Variants in NOS3 observed in about 807,000 individuals in gnomAD.
The protein encoded by NOS3 is NOS type III.
A neutral mutation model predicts 144.9 loss-of-function variants in NOS3; 98 were observed. The ratio of observed to expected loss-of-function variants is 0.68; its 90% CI spans 0.57 to 0.80. The LOEUF (loss-of-function observed/expected upper bound fraction) is 0.80. Among genes scored for constraint, NOS3 ranks in the 30% least tolerant of loss-of-function variants. The probability of loss-of-function intolerance (pLI) is 0.00; values close to 1 mark genes in which losing one functional copy is unlikely to be tolerated. For missense variants in NOS3, 1,465 were observed against 1,656.4 expected, an observed-to-expected ratio of 0.88 and a Z score of 2.01; for synonymous variants, 714 against 702.4, an observed-to-expected ratio of 1.02 and a Z score of -0.26.
rs1267845196 is a variant in NOS3, at chr7:151,014,420, C to T, written c.*251C>T. ...CCCAGCAGCGGTACCCCAGGGCCTA[C>T]TGCCACCCGCTTCCTGTTTCTTAGT... On this transcript the variant is annotated 3_prime_UTR_variant, in exon 27 of 27. Coordinates refer to ENST00000297494, the MANE Select transcript of NOS3 (RefSeq NM_000603.5). 1.7e-5 allele frequency: 8 copies of T among 475,304 alleles called. No individual in the cohort carries two copies. The highest frequency in any genetic ancestry group is 3.0e-5 in the Non-Finnish European group (8 of 269,264). The allele number at this position is 475,304 out of a possible 1,614,324, so 29.4% of individuals were successfully genotyped here. A position where few individuals can be genotyped will look rare whatever the true frequency, so the allele number is the denominator to read the frequency against.
rs763012895 is a variant in NOS3, at chr7:151,006,401, C to T, written c.1753-26C>T. ...TAGTTTGAAATGAAACAAAACTAAC[C>T]CTGATGCAAACACTCCCCTCGCCAG... On this transcript the variant is annotated intron_variant, in intron 14 of 26. Coordinates refer to ENST00000297494, the MANE Select transcript of NOS3 (RefSeq NM_000603.5). 9 of 1,595,862 alleles carry T rather than the reference C, an allele frequency of 5.6e-6. No individual in the cohort carries two copies. The Admixed American group carries it at 8.4e-5, about 15-fold the overall frequency.
chr7:150,998,134 G>T lies in NOS3; in HGVS notation c.583-223G>T, dbSNP rs1802474675. Among the ~76,000 whole-genome samples, 1 of 152,188 alleles carries T rather than the reference G, an allele frequency of 6.6e-6. No individual in the cohort carries two copies. ...ATACCAAGTCAGCTTCCATAGGGAT[G>T]GGGAGACACCTGGCCCAGGGAGGAG... On this transcript the variant is annotated intron_variant, in intron 5 of 26. Transcript: ENST00000297494. The surrounding 1 kb of genome is among the most constrained non-coding windows in gnomAD (Gnocchi z 5.0).
chr7:151,003,391 G>A lies in NOS3; in HGVS notation c.1752+1087G>A. ...TCCACCTGCCTCGGCCTCCCAAAGT[G>A]CTGCGATTATAGACGTGAGCCACTG... On this transcript the variant is annotated intron_variant, in intron 14 of 26. Transcript: ENST00000297494. This position sits in a 1 kb window ranked among gnomAD's most constrained non-coding sequence, Gnocchi z 4.1. The A allele has an allele frequency of 8.1e-7, 1 of 1,227,234 alleles. No homozygotes were observed. The highest frequency in any genetic ancestry group is 1.1e-6 in the Non-Finnish European group (1 of 950,928). The allele number at this position is 1,227,234 out of a possible 1,614,324, so 76.0% of individuals were successfully genotyped here.
rs766690710 is a variant in NOS3 at position 151,013,349 on chromosome 7, C to A, written c.3225C>A (p.Thr1075=). The A allele has an allele frequency of 3.1e-6, 5 of 1,613,574 alleles. No individual in the cohort carries two copies. The Admixed American group carries it at 8.3e-5, about 27-fold the overall frequency. ...QQRGVFGRVL[T]AFSREPDNPK... ...GCGGGGTGTTTGGCCGAGTCCTCAC[C>A]GCCTTCTCCCGGGAACCTGACAACC... Residue 1075 remains threonine, a synonymous_variant, in exon 25 of 27, where the codon ACC becomes ACA. Transcript: ENST00000297494.
rs1313777567 is a variant in NOS3, at chr7:150,995,250, C to T, written c.206C>T (p.Pro69Leu). 1 of 1,611,640 alleles carries T rather than the reference C, an allele frequency of 6.2e-7. No homozygotes were observed. The highest frequency in any genetic ancestry group is 1.3e-5 in the African/African-American group (1 of 74,988). Reference protein sequence around the residue: ...LTQPPEGPKFPRVKNWEVGSI... With the variant: ...LTQPPEGPKFLRVKNWEVGSI... ...CAGCCCCCAGAGGGGCCCAAGTTCC[C>T]TCGTGTGAAGAACTGGGAGGTGGGG... The change falls in exon 3 of 27, where the codon CCT becomes CTT. Residue 69 changes from proline (P) to leucine (L), a missense_variant. Pro to Leu is a moderately conservative substitution (Grantham distance 98). Around this residue, in one of 5 missense-constraint regions of NOS3, gnomAD observed 374 missense variants for 377.0 expected, o/e 0.99. Coordinates refer to ENST00000297494, the MANE Select transcript of NOS3 (RefSeq NM_000603.5).
Position 151,001,391 on chromosome 7 carries a change from T to C in NOS3, c.1394T>C (p.Val465Ala). ...SLTPVFHQEM[V>A]NYFLSPAFRY... is the part of the protein sequence containing the mutation. ...ACTCCTGTTTTCCATCAGGAGATGG[T>C]CAACTATTTCCTGTCCCCGGCCTTC... The change falls in exon 11 of 27, where the codon GTC (valine) becomes GCC (alanine). Residue 465 changes from valine (V) to alanine (A), a missense_variant. Transcript: ENST00000297494. The C allele has an allele frequency of 6.2e-7, 1 of 1,605,598 alleles. No homozygotes were observed. Among genetic ancestry groups the C allele is most frequent in the Non-Finnish European group, 8.5e-7 (1 of 1,175,174 alleles).
intron 5 of NOS3, among the ~76,000 whole-genome samples, chr7:150,997,387 C>A (rs1223775097): frequency 6.6e-6 from 1 of 152,102 alleles, no homozygotes; most frequent in Admixed American, 6.5e-5. Context: ...TGCTTCTCCC[C>A]CAAGAGAGAA....
rs574330400 is a variant in NOS3, at chr7:150,998,157, G to A, written c.583-200G>A. On this transcript the variant is annotated intron_variant, in intron 5 of 26. Coordinates refer to ENST00000297494, the MANE Select transcript of NOS3 (RefSeq NM_000603.5). The surrounding 1 kb of genome is among the most constrained non-coding windows in gnomAD (Gnocchi z 5.0). Reference sequence around the variant, plus strand: ...ATGGGGAGACACCTGGCCCAGGGAGGAGATGAGAAGCAGCCCGGATGGTGC... The same window carrying A: ...ATGGGGAGACACCTGGCCCAGGGAGAAGATGAGAAGCAGCCCGGATGGTGC... 2.6e-5 allele frequency among the ~76,000 whole-genome samples: 4 copies of A among 152,304 alleles called. No individual in the cohort carries two copies. The East Asian group carries it at 7.7e-4, about 29-fold the overall frequency.
intron 9 of NOS3, 107 bp downstream of exon 9, chr7:150,999,471 C>A: frequency 8.1e-7 from 1 of 1,238,842 alleles, no homozygotes; most frequent in Non-Finnish European, 1.1e-6. Flanking sequence ...CAGAGCAGGT[C>A]CAGGGTTGCC....
rs1019475679 is a variant in NOS3, at chr7:151,012,354, T to C, written c.2988T>C (p.Ala996=). The C allele has an allele frequency of 6.4e-7, 1 of 1,560,684 alleles. No individual in the cohort carries two copies. The highest frequency in any genetic ancestry group is 1.3e-5 in the African/African-American group (1 of 74,228). ...GATGGAGTGTCTCTCCTGCCAGGGC[T>C]CCCTCCTTCCGGCTGCCACCCGATC... The part of the protein sequence containing the change: ...GDPVPCFIRG[A]PSFRLPPDPS... Residue 996 remains alanine (A), a synonymous_variant, in exon 24 of 27, where the codon GCT becomes GCC. Coordinates refer to ENST00000297494, the MANE Select transcript of NOS3 (RefSeq NM_000603.5).
At chr7:151,008,821 TG>T in intron 17 of NOS3, 108 bp from the exon 18 acceptor site, 2 of 1,303,356 alleles carry the variant, frequency 1.5e-6, no homozygotes, top group Non-Finnish European at 2.0e-6. Context: ...CCTCAGCCAC[TG>T]GGGCTGCCAA....
chr7:150,997,739 G>A (rs542742618), intron 5 of NOS3, among the ~76,000 whole-genome samples: 4 of 152,116 alleles, frequency 2.6e-5, no homozygotes, highest in East Asian at 1.9e-4. Flanking sequence ...GCTCAACTTC[G>A]ATCCATCTGA....
chr7:151,011,125 A>T (rs1456384954), intron 23 of NOS3, 139 bp downstream of exon 23: 1 of 632,438 alleles, frequency 1.6e-6, no homozygotes, highest in East Asian at 2.8e-5. Context: ...TCATTAGGTC[A>T]CTTCAGAACT....
In NOS3 at chr7:150,999,224, T is replaced by C. The variant is rs1802510962; in HGVS notation, c.991T>C (p.Tyr331His). The C allele has an allele frequency of 3.1e-6, 5 of 1,611,358 alleles. No homozygotes were observed. The highest frequency in any genetic ancestry group is 4.2e-6 in the Non-Finnish European group (5 of 1,179,418). Reference sequence around the variant, plus strand: ...GTTTGCAGCCCTGGGCCTGCGCTGGTACGCCCTCCCGGCAGTGTCCAACAT... The same window carrying C: ...GTTTGCAGCCCTGGGCCTGCGCTGGCACGCCCTCCCGGCAGTGTCCAACAT... ...EWFAALGLRWYALPAVSNMLL... is the reference protein window; with the variant it reads ...EWFAALGLRWHALPAVSNMLL... The change falls in exon 9 of 27, where the codon TAC (tyrosine) becomes CAC (histidine). Residue 331 changes from tyrosine (Y) to histidine (H), a missense_variant. By Grantham distance (83) the Tyr-to-His change is moderately conservative. Transcript: ENST00000297494.
At position 150,996,808 on chromosome 7, in the gene NOS3, C is replaced by T. The variant is rs200774720; in HGVS notation, c.465C>T (p.Ala155=). ...AACAGCGGCTTCAAGAGGTGGAAGC[C>T]GAGGTGGCAGCCACAGGCACCTACC... ...AHEQRLQEVE[A]EVAATGTYQL... Residue 155 remains alanine, a synonymous_variant, in exon 5 of 27, where the codon GCC becomes GCT. Transcript: ENST00000297494. The T allele has an allele frequency of 1.1e-5, 17 of 1,610,620 alleles. No individual in the cohort carries two copies. Among genetic ancestry groups the T allele is most frequent in the Admixed American group, 3.3e-5 (2 of 59,892 alleles).
rs2117109318 is a variant in NOS3, at chr7:150,998,466, T to C, written c.674+18T>C. ...AACCTTCGGTGAGTGCCCCCCACCA[T>C]GCCAGGCCCCAGCCTTCTTCCCCAA... On this transcript the variant is annotated intron_variant, in intron 6 of 26. Transcript: ENST00000297494. This position sits in a 1 kb window ranked among gnomAD's most constrained non-coding sequence, Gnocchi z 5.0. The C allele has an allele frequency of 6.2e-7, 1 of 1,611,846 alleles. No homozygotes were observed. Among genetic ancestry groups the C allele is most frequent in the Non-Finnish European group, 8.5e-7 (1 of 1,179,588 alleles).
At position 151,001,863 on chromosome 7, in the gene NOS3, G is replaced by A. The variant is rs1370933305; in HGVS notation, c.1545G>A (p.Ala515=). 6 of 1,613,602 alleles carry A rather than the reference G, an allele frequency of 3.7e-6. No homozygotes were observed. Among genetic ancestry groups the A allele is most frequent in the African/African-American group, 2.7e-5 (2 of 74,950 alleles). The change falls in exon 13 of 27, where the codon GCG becomes GCA. Residue 515 remains alanine (A), a synonymous_variant. Coordinates refer to ENST00000297494, the MANE Select transcript of NOS3 (RefSeq NM_000603.5). ...CCTCGCTCATGGGCACGGTGATGGCGAAGCGAGTGAAGGCGACAATCCTGT... is the reference window on the plus strand; with the variant it reads ...CCTCGCTCATGGGCACGGTGATGGCAAAGCGAGTGAAGGCGACAATCCTGT... The part of the protein sequence containing the change: ...ISASLMGTVM[A]KRVKATILYG...
chr7:150,998,653 G>A lies in NOS3; in HGVS notation c.789G>A (p.Gly263=). 1 of 1,608,306 alleles carries A rather than the reference G, an allele frequency of 6.2e-7. No homozygotes were observed. Among genetic ancestry groups the A allele is most frequent in the Non-Finnish European group, 8.5e-7 (1 of 1,178,706 alleles). The part of the protein sequence containing the change: ...GYRQQDGSVR[G]DPANVEITEL... ...GGCAGCAGGATGGCTCTGTGCGGGG[G>A]GACCCAGCCAACGTGGAGATCACCG... The change falls in exon 7 of 27, where the codon GGG becomes GGA. Residue 263 remains glycine (G), a synonymous_variant. Coordinates refer to ENST00000297494, the MANE Select transcript of NOS3 (RefSeq NM_000603.5). This position sits in a 1 kb window ranked among gnomAD's most constrained non-coding sequence, Gnocchi z 5.0.
In NOS3 at chr7:151,003,662, C is replaced by T; in HGVS notation, c.1752+1358C>T. ...TCACGTGAATCCCTTCCCAGTCTGT[C>T]TCCCTGCCAGAAGTGTCTGTCACCA... On this transcript the variant is annotated intron_variant, in intron 14 of 26. Transcript: ENST00000297494. This position sits in a 1 kb window ranked among gnomAD's most constrained non-coding sequence, Gnocchi z 4.1. The T allele has an allele frequency of 1.4e-6, 1 of 725,678 alleles. No homozygotes were observed. The highest frequency in any genetic ancestry group is 2.2e-6 in the Non-Finnish European group (1 of 459,336). 45.0% of individuals were successfully genotyped at this position (725,678 alleles called of 1,614,324 possible).
Sources: gnomAD v4.1 joint callset for allele counts (sites outside exome capture counted in the v4.1 genomes callset) on GRCh38, gnomAD v4.1.1 for gene constraint, gnomAD v4.1.1 regional missense constraint, Gnocchi (gnomAD v3.1) non-coding constraint, MANE v1.5 for transcripts, NCBI Gene and HGNC (gene_info 2026-07-23, HGNC 2026-07-21) for gene names.